Variants in PRKCE observed in about 807,000 individuals in gnomAD.
PRKCE encodes the protein protein kinase C epsilon type.
Under a neutral mutation model 85.4 loss-of-function variants are expected in PRKCE, and 16 were observed. That is an observed-to-expected ratio of 0.19 (90% CI 0.13 to 0.28). PRKCE has a LOEUF of 0.28. Ranked by LOEUF, PRKCE falls within the 10% of genes least tolerant of loss-of-function variation. PRKCE has a pLI of 1.00. For synonymous variants in PRKCE, 388 were observed against 371.5 expected, an observed-to-expected ratio of 1.04 and a Z score of -0.51; for missense variants, 573 against 975.2, an observed-to-expected ratio of 0.59 and a Z score of 5.49.
intron 2 of PRKCE, among the ~76,000 whole-genome samples, chr2:45,918,928 C>T (rs1382169927): frequency 6.6e-6 from 1 of 152,194 alleles, no homozygotes; most frequent in East Asian, 1.9e-4. Context: ...TGTTCATTCC[C>T]CTTTGCTGTC....
At chr2:45,828,236 G>A (rs1690112962) in intron 1 of PRKCE, among the ~76,000 whole-genome samples, 1 of 152,200 alleles carries the variant, frequency 6.6e-6, no homozygotes, top group Non-Finnish European at 1.5e-5. Flanking sequence ...CAAAGCAAAG[G>A]ATTTTTCAAT....
rs572697203 is a variant in PRKCE at position 46,014,174 on chromosome 2, A to G, written c.1437+3657A>G. 3.9e-5 allele frequency among the ~76,000 whole-genome samples: 6 copies of G among 152,338 alleles called. No individual in the cohort carries two copies. The East Asian group carries it at 1.2e-3, about 29-fold the overall frequency. On this transcript the variant is annotated intron_variant, in intron 10 of 14. Transcript: ENST00000306156. ...GAAAAAGCAGACAGAACAACAAATT[A>G]AGCCAGTGGTTTTAATTTCAGTCAA... is the stretch of plus-strand genomic sequence containing the variant.
At chr2:46,034,343 A>G (rs1707721701) in intron 10 of PRKCE, among the ~76,000 whole-genome samples, 1 of 152,240 alleles carries the variant, frequency 6.6e-6, no homozygotes, top group Non-Finnish European at 1.5e-5. Flanking sequence ...CACCAGGCCC[A>G]TAGCAAGCAT....
chr2:45,974,233 G>A (rs1453164146), intron 2 of PRKCE, among the ~76,000 whole-genome samples: 8 of 152,226 alleles, frequency 5.3e-5, no homozygotes. Flanking sequence ...GCACCGAATG[G>A]TGATTGCCAT....
chr2:45,908,352 A>T (rs1379698285), intron 2 of PRKCE, among the ~76,000 whole-genome samples: 1 of 152,190 alleles, frequency 6.6e-6, no homozygotes, highest in Non-Finnish European at 1.5e-5. Flanking sequence ...CCAGAAACGG[A>T]CCAGGAGCAA....
intron 7 of PRKCE, among the ~76,000 whole-genome samples, chr2:46,002,897 A>G (rs1704823059): frequency 6.6e-6 from 1 of 152,268 alleles, no homozygotes; most frequent in Admixed American, 6.5e-5. Flanking sequence ...AAATTAAGAC[A>G]GAATCTTTGT....
chr2:45,983,101 A>T (rs1187717646), intron 5 of PRKCE, among the ~76,000 whole-genome samples: 1 of 152,206 alleles, frequency 6.6e-6, no homozygotes, highest in African/African-American at 2.4e-5. Flanking sequence ...TTTTCAGTAG[A>T]GCTGACATTC....
At chr2:45,671,776 A>T (rs1040355416) in intron 1 of PRKCE, among the ~76,000 whole-genome samples, 1 of 152,204 alleles carries the variant, frequency 6.6e-6, no homozygotes, top group African/African-American at 2.4e-5. Flanking sequence ...GTAAAAAAAA[A>T]ATCCAGTAGA....
intron 10 of PRKCE, among the ~76,000 whole-genome samples, chr2:46,027,970 C>T (rs1354616852): frequency 3.3e-5 from 5 of 150,648 alleles, no homozygotes; most frequent in African/African-American, 9.8e-5. Context: ...GAGATGGAGT[C>T]GGGCTCTGTG....
intron 1 of PRKCE, among the ~76,000 whole-genome samples, chr2:45,740,221 T>C (rs1384504107): frequency 1.3e-5 from 2 of 151,894 alleles, no homozygotes; most frequent in Admixed American, 6.6e-5. Context: ...GTGGCCCTTA[T>C]GCTGCTGCCA....
At chr2:45,961,581 C>A (rs983047370) in intron 2 of PRKCE, among the ~76,000 whole-genome samples, 5 of 152,202 alleles carry the variant, frequency 3.3e-5, no homozygotes, top group African/African-American at 4.8e-5. Flanking sequence ...CAGGCAGAGA[C>A]CCCATTTAGA....
chr2:45,928,066 C>G (rs964941946), intron 2 of PRKCE, among the ~76,000 whole-genome samples: 4 of 152,146 alleles, frequency 2.6e-5, no homozygotes, highest in Admixed American at 6.5e-5. Context: ...TAGCACTAAA[C>G]TCCTTGACTT....
At chr2:45,987,030 G>GTT (rs59401094) in intron 6 of PRKCE, among the ~76,000 whole-genome samples, 1 of 147,856 alleles carries the variant, frequency 6.8e-6, no homozygotes, top group Non-Finnish European at 1.5e-5. Flanking sequence ...GCTGATGTCT[G>GTT]TTTTTTTTTT....
intron 2 of PRKCE, among the ~76,000 whole-genome samples, chr2:45,919,558 G>A (rs1698097006): frequency 6.6e-6 from 1 of 152,214 alleles, no homozygotes; most frequent in South Asian, 2.1e-4. Flanking sequence ...GAGGGCCACG[G>A]CACATTCTGT....
chr2:46,141,773 G>T (rs1043414461), intron 11 of PRKCE, among the ~76,000 whole-genome samples: 1 of 151,744 alleles, frequency 6.6e-6, no homozygotes, highest in Non-Finnish European at 1.5e-5. Context: ...AGTACACAGG[G>T]ACTAATATCT....
chr2:45,815,411 C>T (rs1481857999), intron 1 of PRKCE, among the ~76,000 whole-genome samples: 1 of 152,168 alleles, frequency 6.6e-6, no homozygotes, highest in Non-Finnish European at 1.5e-5. Flanking sequence ...CAGACTGCCC[C>T]AGCCTACGCC....
chr2:45,874,879 A>C (rs904053410), intron 2 of PRKCE, among the ~76,000 whole-genome samples: 1 of 151,980 alleles, frequency 6.6e-6, no homozygotes, highest in East Asian at 1.9e-4. Flanking sequence ...CTACTTGCCT[A>C]GTTCTGGCCT....
intron 1 of PRKCE, among the ~76,000 whole-genome samples, chr2:45,827,131 T>A (rs981588653): frequency 2.6e-5 from 4 of 152,164 alleles, no homozygotes; most frequent in African/African-American, 9.7e-5. Context: ...CCCTCCACAC[T>A]CTGCTCCAGT....
At chr2:45,893,336 G>GTCTTT (rs1342785802) in intron 2 of PRKCE, among the ~76,000 whole-genome samples, 13 of 145,870 alleles carry the variant, frequency 8.9e-5, no homozygotes, top group African/African-American at 2.8e-4. Context: ...CCTGGCTCAT[G>GTCTTT]TCTTTTCTTT....
Sources: allele counts gnomAD v4.1 joint callset (sites outside exome capture counted in the v4.1 genomes callset), GRCh38; gene constraint gnomAD v4.1.1; transcripts MANE v1.5; gene names NCBI Gene and HGNC (gene_info 2026-07-23, HGNC 2026-07-21).